ECSCR: variants seen among roughly 807,000 people sequenced by gnomAD.
ECSCR encodes endothelial cell surface expressed chemotaxis and apoptosis regulator.
In ECSCR, 12 loss-of-function variants were observed where a neutral mutation model predicts 16.7. The observed-to-expected ratio is 0.72, with a 90% CI of 0.46 to 1.17. ECSCR has a LOEUF of 1.17. Among genes scored for constraint, ECSCR ranks in the 50% most tolerant of loss-of-function variants. The pLI, the probability that ECSCR is intolerant of heterozygous loss-of-function variation, is 0.00. For synonymous variants in ECSCR, 44 were observed against 42.2 expected, an observed-to-expected ratio of 1.04 and a Z score of -0.17; for missense variants, 122 against 116.1, an observed-to-expected ratio of 1.05 and a Z score of -0.23.
chr5:139,452,521 T>C (rs1477303847), intron 8 of ECSCR, among the ~76,000 whole-genome samples: 9 of 146,266 alleles, frequency 6.2e-5, no homozygotes, highest in African/African-American at 2.3e-4. Flanking sequence ...GGGAGGTATG[T>C]ATAGTATGGA....
At chr5:139,449,263 C>T in intron 8 of ECSCR, 89 bp from the exon 9 acceptor site, 1 of 954,652 alleles carries the variant, frequency 1.0e-6, no homozygotes. Flanking sequence ...AGCCTTAGAC[C>T]TTTGTCTCAA....
At chr5:139,460,604 G>T (rs552267292) in intron 1 of ECSCR, among the ~76,000 whole-genome samples, 1 of 152,014 alleles carries the variant, frequency 6.6e-6, no homozygotes, top group Non-Finnish European at 1.5e-5. Context: ...TTTGCCTCTT[G>T]CCCCTCCCAC....
rs1750967067 is a variant in ECSCR, at chr5:139,448,898, T to A, written c.*2A>T. On this transcript the variant is annotated 3_prime_UTR_variant, in exon 10 of 10. Transcript: ENST00000618155. ...TGGACTCATGGGGACCCAAAGTTGC[T>A]TTTAAAGAACCTGCAAAATAAATGC... 6.5e-7 allele frequency: 1 copy of A among 1,537,150 alleles called. No individual in the cohort carries two copies. The highest frequency in any genetic ancestry group is 8.7e-7 in the Non-Finnish European group (1 of 1,146,916).
intron 2 of ECSCR, 36 bp downstream of exon 2, chr5:139,458,103 C>T: frequency 6.5e-7 from 1 of 1,544,082 alleles, no homozygotes; most frequent in South Asian, 1.2e-5. Flanking sequence ...GCTCCTAGGC[C>T]TACACGCTGG....
intron 1 of ECSCR, 145 bp from the exon 2 acceptor site, chr5:139,458,328 T>TTG: frequency 4.3e-6 from 3 of 690,996 alleles, no homozygotes; most frequent in African/African-American, 3.7e-5. Flanking sequence ...TTGTTTTGTT[T>TTG]TTTTTTTTTT....
At chr5:139,461,633 T>C (rs1469348238) in intron 1 of ECSCR, among the ~76,000 whole-genome samples, 1 of 152,152 alleles carries the variant, frequency 6.6e-6, no homozygotes, top group South Asian at 2.1e-4. Context: ...CCTGTGACTC[T>C]GTCATGGAGG....
At chr5:139,450,260 TG>T (rs1475152162) in intron 8 of ECSCR, among the ~76,000 whole-genome samples, 1 of 152,138 alleles carries the variant, frequency 6.6e-6, no homozygotes, top group Non-Finnish European at 1.5e-5. Flanking sequence ...CCCAGCATTT[TG>T]GGAGGCTGAG....
Position 139,448,627 on chromosome 5 carries a change from T to C in ECSCR, c.*273A>G. 1 of 913,582 alleles carries C rather than the reference T, an allele frequency of 1.1e-6. No individual in the cohort carries two copies. Among genetic ancestry groups the C allele is most frequent in the Non-Finnish European group, 1.5e-6 (1 of 657,924 alleles). The allele number at this position is 913,582 out of a possible 1,614,324, so 56.6% of individuals were successfully genotyped here. On this transcript the variant is annotated 3_prime_UTR_variant, in exon 10 of 10. Transcript: ENST00000618155. Reference sequence around the variant, plus strand: ...ATCCACCTCATCACTTTCCTTGCTCTCTCTCTGTCACCTCCTCTTTCCTGT... The same window carrying C: ...ATCCACCTCATCACTTTCCTTGCTCCCTCTCTGTCACCTCCTCTTTCCTGT...
intron 1 of ECSCR, among the ~76,000 whole-genome samples, chr5:139,458,655 C>G (rs563073211): frequency 6.6e-6 from 1 of 151,008 alleles, no homozygotes; most frequent in South Asian, 2.1e-4. Context: ...AAGACTAGCC[C>G]GGCCAACATG....
intron 8 of ECSCR, among the ~76,000 whole-genome samples, chr5:139,453,973 G>T (rs1017957215): frequency 6.7e-6 from 1 of 148,958 alleles, no homozygotes; most frequent in African/African-American, 2.5e-5. Context: ...AGTGTGGGAT[G>T]TGGGGCATGT....
rs1391761013 is a variant in ECSCR, at chr5:139,456,522, C to T, written c.218-4G>A. The T allele has an allele frequency of 5.0e-6, 2 of 398,560 alleles. No homozygotes were observed. The highest frequency in any genetic ancestry group is 1.3e-4 in the South Asian group (1 of 7,870). 24.7% of individuals were successfully genotyped at this position (398,560 alleles called of 1,614,324 possible). On this transcript the variant is annotated splice_polypyrimidine_tract_variant and splice_region_variant and intron_variant, in intron 4 of 9. Transcript: ENST00000618155. ...CCACTGCTGGGGACACCTGCGCCTG[C>T]ACCATGAAACAGCATGACCAAGATG...
chr5:139,454,191 TG>T (rs1751106027), intron 8 of ECSCR, among the ~76,000 whole-genome samples: 2 of 136,388 alleles, frequency 1.5e-5, no homozygotes, highest in African/African-American at 2.8e-5. Flanking sequence ...TAGTGGGGTG[TG>T]GGGTGTGTGG....
At chr5:139,452,449 GT>G in intron 8 of ECSCR, among the ~76,000 whole-genome samples, 1 of 82,020 alleles carries the variant, frequency 1.2e-5, no homozygotes, top group East Asian at 3.6e-4. Context: ...GGTGTGTGTG[GT>G]AGGTGGGTAT....
intron 8 of ECSCR, among the ~76,000 whole-genome samples, chr5:139,454,121 G>C (rs1751104084): frequency 7.1e-6 from 1 of 141,646 alleles, no homozygotes; most frequent in African/African-American, 2.6e-5. Context: ...TGATGTGTGG[G>C]GTGTGTGGTG....
chr5:139,456,390 C>A, intron 5 of ECSCR, 84 bp downstream of exon 5: 1 of 397,270 alleles, frequency 2.5e-6, no homozygotes. Flanking sequence ...ATAAAAAAAT[C>A]TGAGAGCCAA....
chr5:139,458,321 T>C (rs1751207336), intron 1 of ECSCR, 138 bp from the exon 2 acceptor site: 1 of 765,044 alleles, frequency 1.3e-6, no homozygotes, highest in African/African-American at 1.9e-5. Context: ...TTTTGTTTTG[T>C]TTTGTTTTTT....
chr5:139,451,051 G>T (rs1751031196), intron 8 of ECSCR, among the ~76,000 whole-genome samples: 1 of 152,038 alleles, frequency 6.6e-6, no homozygotes, highest in African/African-American at 2.4e-5. Flanking sequence ...CCCCAGCCCT[G>T]GCCTCAGAGG....
At position 139,458,186 on chromosome 5, in the gene ECSCR, G is replaced by A. The variant is rs1382762252; in HGVS notation, c.62-3C>T. ...CATTGTGGGCTGGGAGTTGTGGCCT[G>A]CAAGAGAAAGCAAAACACATAGCTT... On this transcript the variant is annotated splice_region_variant and splice_polypyrimidine_tract_variant and intron_variant, in intron 1 of 9. Transcript: ENST00000618155. 1.4e-5 allele frequency: 21 copies of A among 1,549,544 alleles called. No individual in the cohort carries two copies. Among genetic ancestry groups the A allele is most frequent in the Non-Finnish European group, 1.7e-5 (20 of 1,146,952 alleles).
At chr5:139,452,272 T>C (rs1313233389) in intron 8 of ECSCR, among the ~76,000 whole-genome samples, 291 of 26,514 alleles carry the variant, frequency 0.011, 4 homozygotes, top group African/African-American at 0.038. Context: ...ATGTGTATAG[T>C]GTGGGGTGTG....
Sources: gnomAD v4.1 joint callset for allele counts (sites outside exome capture counted in the v4.1 genomes callset) on GRCh38, gnomAD v4.1.1 for gene constraint, MANE v1.5 for transcripts, NCBI Gene and HGNC (gene_info 2026-07-23, HGNC 2026-07-21) for gene names.